Variants in CFAP100 observed in about 807,000 individuals in gnomAD.
The protein encoded by CFAP100 is cilia and flagella associated protein 100.
A neutral mutation model predicts 81.5 loss-of-function variants in CFAP100; 70 were observed. The observed-to-expected ratio is 0.86, with a 90% CI of 0.71 to 1.05. The LOEUF (loss-of-function observed/expected upper bound fraction) is 1.05. Among genes scored for constraint, CFAP100 ranks in the 50% least tolerant of loss-of-function variants. The pLI is 0.00. For missense variants in CFAP100, 811 were observed against 776.5 expected (o/e 1.04, Z -0.53); for synonymous variants, 341 against 314.8 (o/e 1.08, Z -0.88).
intron 13 of CFAP100, among the ~76,000 whole-genome samples, chr3:126,430,986 C>T (rs1933198825): frequency 2.0e-5 from 3 of 152,098 alleles, no homozygotes; most frequent in African/African-American, 7.2e-5. Context: ...TTTTCATGAT[C>T]CTTGTGGCCT....
Position 126,436,283 on chromosome 3 carries a change from C to G in CFAP100, c.1723-8C>G. The G allele has an allele frequency of 6.2e-7, 1 of 1,609,692 alleles. No homozygotes were observed. ...CAGCAAGGCTCACTGGGCTTGTTTC[C>G]CCTGCAGAGAGGCAGGACACTGGTA... On this transcript the variant is annotated splice_region_variant and splice_polypyrimidine_tract_variant and intron_variant, in intron 16 of 16. Coordinates refer to ENST00000352312, the MANE Select transcript of CFAP100 (RefSeq NM_182628.3).
At chr3:126,420,542 C>T (rs893691930) in intron 11 of CFAP100, 1 of 400,172 alleles carries the variant, frequency 2.5e-6, no homozygotes, top group African/African-American at 2.0e-5. Context: ...CTGGTCCTGG[C>T]CCTGGGGGGA....
chr3:126,405,257 G>A (rs1157356371), intron 2 of CFAP100, among the ~76,000 whole-genome samples: 1 of 152,202 alleles, frequency 6.6e-6, no homozygotes, highest in Non-Finnish European at 1.5e-5. Context: ...GTTTCACTAA[G>A]TGTAATGTCC....
At chr3:126,433,440 T>G in intron 14 of CFAP100, 1 of 543,514 alleles carries the variant, frequency 1.8e-6, no homozygotes, top group Non-Finnish European at 3.3e-6. Flanking sequence ...AACAAATGTG[T>G]CTGCTTCTTA....
At position 126,426,235 on chromosome 3, in the gene CFAP100, GGAA is replaced by G. The variant is rs372673053; in HGVS notation, c.1286+2594_1286+2596del. ...TTCAGCACTTTGGCAGGCCAAGGCA[GGAA>G]GATCACTTGAGGCCAAGAGATCGAG... On this transcript the variant is annotated intron_variant, in intron 13 of 16. Transcript: ENST00000352312. 1.2e-3 allele frequency among the ~76,000 whole-genome samples: 180 copies of G among 152,298 alleles called. 1 individual carries two copies. Among genetic ancestry groups the G allele is most frequent in the African/African-American group, 4.1e-3 (172 of 41,564 alleles).
rs532298619 is a variant in CFAP100, at chr3:126,406,107, G to A, written c.50-1065G>A. ...AGAGGACAATCATGGTTCAGCAACC[G>A]AGCCCCTGAGTTCTCCCCAGCCTCA... On this transcript the variant is annotated intron_variant, in intron 2 of 16. Transcript: ENST00000352312. 2.6e-5 allele frequency among the ~76,000 whole-genome samples: 4 copies of A among 152,178 alleles called. No individual in the cohort carries two copies. In the South Asian group the frequency reaches 6.3e-4, roughly 24 times the overall value.
At position 126,417,584 on chromosome 3, in the gene CFAP100, C is replaced by T. The variant is rs148983439; in HGVS notation, c.419-874C>T. Among the ~76,000 whole-genome samples, 573 of 152,264 alleles carry T rather than the reference C, an allele frequency of 3.8e-3. 4 individuals carry two copies. The highest frequency in any genetic ancestry group is 6.5e-3 in the Non-Finnish European group (442 of 68,014). ...GGAGACAGCATGGCCTGTTCTTTTTCCTGCCTCCACCCTTATTCCCAAGAC... is the reference window on the plus strand; with the variant it reads ...GGAGACAGCATGGCCTGTTCTTTTTTCTGCCTCCACCCTTATTCCCAAGAC... On this transcript the variant is annotated intron_variant, in intron 5 of 16. Coordinates refer to ENST00000352312, the MANE Select transcript of CFAP100 (RefSeq NM_182628.3).
chr3:126,402,553 G>A (rs1353172250), intron 2 of CFAP100, among the ~76,000 whole-genome samples: 2 of 152,136 alleles, frequency 1.3e-5, no homozygotes, highest in African/African-American at 4.8e-5. Flanking sequence ...GGCTCTGGGG[G>A]GATAGGGCAG....
chr3:126,429,107 CAAAAAAAAAAA>C (rs57773311), intron 13 of CFAP100, among the ~76,000 whole-genome samples: 3 of 95,764 alleles, frequency 3.1e-5, no homozygotes, highest in East Asian at 2.9e-4. Flanking sequence ...CGTCTCCATC[CAAAAAAAAAAA>C]AAAAAAAAAA....
intron 3 of CFAP100, among the ~76,000 whole-genome samples, chr3:126,409,959 G>T (rs1003327699): frequency 6.6e-6 from 1 of 152,192 alleles, no homozygotes; most frequent in Non-Finnish European, 1.5e-5. Context: ...CCAGCACTTT[G>T]GGAGGCCGAG....
intron 2 of CFAP100, among the ~76,000 whole-genome samples, chr3:126,401,669 CG>C (rs1281216190): frequency 7.1e-6 from 1 of 141,028 alleles, no homozygotes; most frequent in Non-Finnish European, 1.5e-5. Context: ...GAGAGTGTCT[CG>C]GGAGAGGGAG....
chr3:126,398,173 G>A (rs2082916709), intron 2 of CFAP100, among the ~76,000 whole-genome samples: 2 of 151,960 alleles, frequency 1.3e-5, no homozygotes, highest in Non-Finnish European at 2.9e-5. Flanking sequence ...AGCCTCCTTT[G>A]AGGCATCAGG....
chr3:126,414,007 G>A, intron 3 of CFAP100, 78 bp from the exon 4 acceptor site: 1 of 962,072 alleles, frequency 1.0e-6, no homozygotes, highest in Admixed American at 1.7e-5. Flanking sequence ...GGGCTGGGAA[G>A]GCAGTGGGGC....
At chr3:126,433,631 C>G in intron 14 of CFAP100, 1 of 193,586 alleles carries the variant, frequency 5.2e-6, no homozygotes. Flanking sequence ...GGGGCCACCC[C>G]GGGCATGGGA....
At chr3:126,417,101 G>T (rs974452618) in intron 5 of CFAP100, among the ~76,000 whole-genome samples, 6 of 152,150 alleles carry the variant, frequency 3.9e-5, no homozygotes, top group Admixed American at 3.9e-4. Flanking sequence ...AGAAGTGGGC[G>T]GTTCCTAAGA....
chr3:126,435,074 C>T (rs1278641506), intron 15 of CFAP100, among the ~76,000 whole-genome samples: 1 of 152,176 alleles, frequency 6.6e-6, no homozygotes, highest in African/African-American at 2.4e-5. Flanking sequence ...TCCGTCCCCC[C>T]AAGCACAGGG....
chr3:126,395,786 G>C (rs548397279), intron 1 of CFAP100, among the ~76,000 whole-genome samples, 156 bp from the exon 2 acceptor site: 2 of 152,228 alleles, frequency 1.3e-5, no homozygotes, highest in African/African-American at 4.8e-5. Flanking sequence ...CCAAGTCCAG[G>C]AGGTGAGAGT....
At chr3:126,411,805 T>A (rs2083160854) in intron 3 of CFAP100, among the ~76,000 whole-genome samples, 1 of 152,216 alleles carries the variant, frequency 6.6e-6, no homozygotes, top group Non-Finnish European at 1.5e-5. Context: ...TCTTCTTCTC[T>A]TGGTTAATCT....
chr3:126,408,118 C>T (rs764656624), intron 3 of CFAP100, among the ~76,000 whole-genome samples: 3 of 152,112 alleles, frequency 2.0e-5, no homozygotes, highest in Non-Finnish European at 1.5e-5. Context: ...TTGGAGCCAA[C>T]GAGTTTCACA....
Sources: gnomAD v4.1 joint callset for allele counts (sites outside exome capture counted in the v4.1 genomes callset) on GRCh38, gnomAD v4.1.1 for gene constraint, MANE v1.5 for transcripts, NCBI Gene and HGNC (gene_info 2026-07-23, HGNC 2026-07-21) for gene names.